Variants in EPB41 observed in about 807,000 individuals in gnomAD.
EPB41 encodes the protein protein 4.1.
Under a neutral mutation model 108.0 loss-of-function variants are expected in EPB41, and 65 were observed. The observed-to-expected ratio is 0.60, with a 90% confidence interval of 0.49 to 0.74. The LOEUF is 0.74. Ranked by LOEUF, EPB41 falls within the 30% of genes least tolerant of loss-of-function variation. The pLI is 0.00. For missense variants in EPB41, 875 were observed against 1,037.0 expected, an observed-to-expected ratio of 0.84 and a Z score of 2.15; for synonymous variants, 336 against 358.9, an observed-to-expected ratio of 0.94 and a Z score of 0.72.
In EPB41 at chr1:29,109,438, G is replaced by A; in HGVS notation, c.2415+1G>A. The A allele has an allele frequency of 6.2e-7, 1 of 1,613,588 alleles. No individual in the cohort carries two copies. Among genetic ancestry groups the A allele is most frequent in the Non-Finnish European group, 8.5e-7 (1 of 1,179,556 alleles). On this transcript the variant is annotated splice_donor_variant, in intron 18 of 20. Transcript: ENST00000343067. LOFTEE classifies it high-confidence loss of function. ...CACCACCACAACTCAAATTACCAAG[G>A]TAACAGACCAGCTAGAACCTCTTTA...
At chr1:28,895,556 C>G (rs2090577144) in intron 1 of EPB41, among the ~76,000 whole-genome samples, 1 of 152,188 alleles carries the variant, frequency 6.6e-6, no homozygotes, top group East Asian at 1.9e-4. Flanking sequence ...GTGGTGCCAT[C>G]TCGGCTCACT....
At chr1:29,088,542 T>C (rs1660081311) in intron 16 of EPB41, among the ~76,000 whole-genome samples, 1 of 152,288 alleles carries the variant, frequency 6.6e-6, no homozygotes, top group South Asian at 2.1e-4. Flanking sequence ...TGCAGTCTTA[T>C]ATAATCCAAT....
At position 28,993,064 on chromosome 1, in the gene EPB41, T is replaced by TGA. The variant is rs553712628; in HGVS notation, c.469-262_469-261dup. On this transcript the variant is annotated intron_variant, in intron 2 of 20. Transcript: ENST00000343067. Reference sequence around the variant, plus strand: ...CTTGGTCAGGAAGAATATATAATGCTGAGAGCAATGGATTGGTATCCTCCG... The same window carrying TGA: ...CTTGGTCAGGAAGAATATATAATGCTGAGAGAGCAATGGATTGGTATCCTCCG... Among the ~76,000 whole-genome samples the TGA allele has an allele frequency of 3.9e-5, 6 of 152,302 alleles. No individual in the cohort carries two copies. In the South Asian group the frequency reaches 1.2e-3, roughly 32 times the overall value.
chr1:29,080,411 C>CTT (rs62880161), intron 16 of EPB41, among the ~76,000 whole-genome samples: 9 of 139,706 alleles, frequency 6.4e-5, no homozygotes, highest in African/African-American at 7.9e-5. Context: ...CCCTTTTTTT[C>CTT]TTTTTTTTTT....
chr1:29,098,385 CG>C (rs1664003068), intron 17 of EPB41, among the ~76,000 whole-genome samples: 1 of 152,110 alleles, frequency 6.6e-6, no homozygotes, highest in African/African-American at 2.4e-5. Context: ...TCAGTAGAGA[CG>C]GGGTTTCACC....
intron 1 of EPB41, among the ~76,000 whole-genome samples, chr1:28,906,640 T>C (rs1201056192): frequency 6.6e-6 from 1 of 152,184 alleles, no homozygotes; most frequent in African/African-American, 2.4e-5. Flanking sequence ...CAGATATTAA[T>C]ATTACTCATT....
chr1:29,119,428 C>G lies in EPB41; in HGVS notation c.*2616C>G, dbSNP rs931892724. On this transcript the variant is annotated 3_prime_UTR_variant, in exon 21 of 21. Transcript: ENST00000343067. ...GAGTGACTCAGACACACCACAGTAA[C>G]AACTCTCGCTGCAATTTTATTTTAA... 44 of 152,636 alleles carry G rather than the reference C, an allele frequency of 2.9e-4. No individual in the cohort carries two copies. The highest frequency in any genetic ancestry group is 1.0e-3 in the African/African-American group (42 of 41,462). 9.5% of individuals were successfully genotyped at this position (152,636 alleles called of 1,614,324 possible). A position where few individuals can be genotyped will look rare whatever the true frequency, so the allele number is the denominator to read the frequency against.
At chr1:28,950,310 C>T (rs1269995658) in intron 1 of EPB41, among the ~76,000 whole-genome samples, 3 of 152,200 alleles carry the variant, frequency 2.0e-5, no homozygotes, top group African/African-American at 7.2e-5. Context: ...CAAGAAGCCA[C>T]ATAGATAGCA....
At chr1:28,911,960 G>C (rs538509523), upstream of EPB41, among the ~76,000 whole-genome samples, 7 of 152,162 alleles carry the variant, frequency 4.6e-5, no homozygotes, top group African/African-American at 1.2e-4. Flanking sequence ...AGAATCGCTT[G>C]AACCTGGGAG....
At chr1:28,897,935 A>C (rs577979641) in intron 1 of EPB41, among the ~76,000 whole-genome samples, 16 of 152,110 alleles carry the variant, frequency 1.1e-4, no homozygotes, top group African/African-American at 3.4e-4. Flanking sequence ...AGCCCAGGGG[A>C]GCAGGTGGTT....
At chr1:29,033,345 T>G in intron 9 of EPB41, 100 bp downstream of exon 9, 3 of 1,359,652 alleles carry the variant, frequency 2.2e-6, no homozygotes, top group Non-Finnish European at 3.1e-6. Context: ...GAAGTCTCTC[T>G]ATAGTTAACT....
chr1:29,032,284 TG>T (rs1482053661), intron 8 of EPB41, among the ~76,000 whole-genome samples: 1 of 152,156 alleles, frequency 6.6e-6, no homozygotes, highest in Non-Finnish European at 1.5e-5. Flanking sequence ...CAGGTATTGA[TG>T]GAGTCAGGCA....
chr1:28,958,819 CAAAAAAAAAAA>C (rs35105287), intron 1 of EPB41, among the ~76,000 whole-genome samples: 1 of 65,766 alleles, frequency 1.5e-5, no homozygotes, highest in African/African-American at 5.8e-5. Context: ...ACCCTGTCTC[CAAAAAAAAAAA>C]AAAAAAAAAA....
Position 28,889,781 on chromosome 1 carries a change from C to T in EPB41, c.-8+2571C>T, listed in dbSNP as rs975290160. On this transcript the variant is annotated intron_variant, in intron 1 of 16. Coordinates refer to the EPB41 transcript ENST00000347529. ...GGAATCCTGAGCCCAGGTGTGGAAC[C>T]AAACCGAGCTTCATTCGGTTATTCT... is the stretch of plus-strand genomic sequence containing the variant. The T allele has an allele frequency of 3.0e-6, 3 of 984,910 alleles. No individual in the cohort carries two copies. The African/African-American group carries it at 5.2e-5, about 17-fold the overall frequency. The allele number at this position is 984,910 out of a possible 1,614,324, so 61.0% of individuals were successfully genotyped here.
intron 17 of EPB41, among the ~76,000 whole-genome samples, chr1:29,099,590 T>TA (rs1664556068): frequency 6.6e-6 from 1 of 152,196 alleles, no homozygotes; most frequent in African/African-American, 2.4e-5. Flanking sequence ...GATGTGCCAC[T>TA]ATGCCCTGCT....
intron 8 of EPB41, among the ~76,000 whole-genome samples, chr1:29,030,891 C>T (rs1390171180): frequency 3.9e-5 from 6 of 151,916 alleles, no homozygotes; most frequent in Admixed American, 6.6e-5. Flanking sequence ...GGCATGATCT[C>T]GGCTCACTGC....
intron 12 of EPB41, among the ~76,000 whole-genome samples, chr1:29,056,582 A>G (rs1235307407): frequency 2.0e-5 from 3 of 151,746 alleles, no homozygotes; most frequent in South Asian, 4.2e-4. Context: ...CTGGAGTGCA[A>G]TGGTGCGATC....
intron 11 of EPB41, among the ~76,000 whole-genome samples, chr1:29,046,390 G>A (rs1643237478): frequency 6.6e-6 from 1 of 152,094 alleles, no homozygotes. Flanking sequence ...GCCTCCCAAA[G>A]TGCTGGGATT....
At chr1:29,055,930 CAA>C (rs35702090) in intron 12 of EPB41, among the ~76,000 whole-genome samples, 151 of 59,380 alleles carry the variant, frequency 2.5e-3, no homozygotes, top group Admixed American at 3.3e-3. Flanking sequence ...AAGACTGTCT[CAA>C]AAAAAAAAAA....
Sources: gnomAD v4.1 joint callset for allele counts (sites outside exome capture counted in the v4.1 genomes callset) on GRCh38, gnomAD v4.1.1 for gene constraint, MANE v1.5 for transcripts, NCBI Gene and HGNC (gene_info 2026-07-23, HGNC 2026-07-21) for gene names.